MPRIP: variants seen among roughly 807,000 people sequenced by gnomAD.
The protein encoded by MPRIP is myosin phosphatase Rho-interacting protein.
Under a neutral mutation model 234.9 loss-of-function variants are expected in MPRIP, and 59 were observed. The ratio of observed to expected loss-of-function variants is 0.25; its 90% CI spans 0.20 to 0.31. MPRIP has a LOEUF of 0.31. MPRIP is among the 10% of genes least tolerant of loss of function. The probability of loss-of-function intolerance (pLI) is 1.00; values close to 1 mark genes in which losing one functional copy is unlikely to be tolerated. For missense variants in MPRIP, 2,436 were observed against 3,071.0 expected (o/e 0.79, Z 4.89); for synonymous variants, 1,144 against 1,263.9 (o/e 0.91, Z 2.01).
intron 1 of MPRIP, among the ~76,000 whole-genome samples, chr17:17,063,162 G>T (rs1471132423): frequency 2.0e-5 from 3 of 152,234 alleles, no homozygotes; most frequent in Non-Finnish European, 4.4e-5. Context: ...GTGCAGCCTG[G>T]CTTGCCCAGG....
chr17:17,108,164 T>C (rs1169173196), intron 3 of MPRIP, among the ~76,000 whole-genome samples: 1 of 152,240 alleles, frequency 6.6e-6, no homozygotes, highest in Non-Finnish European at 1.5e-5. Context: ...TTCAGGGTAC[T>C]GTCCCCAAGC....
chr17:17,177,483 C>T (rs953264670), intron 22 of MPRIP, 71 bp downstream of exon 22: 94 of 1,516,148 alleles, frequency 6.2e-5, no homozygotes, highest in Non-Finnish European at 7.5e-5. Flanking sequence ...AGAGGTTTCC[C>T]GGTGCTTGAC....
At chr17:17,130,656 G>A (rs1321864367) in intron 4 of MPRIP, among the ~76,000 whole-genome samples, 1 of 152,110 alleles carries the variant, frequency 6.6e-6, no homozygotes, top group African/African-American at 2.4e-5. Flanking sequence ...ACCTGGAGCG[G>A]TGTCTTCTGA....
chr17:17,067,786 CTTCCT>C (rs2089080104), intron 1 of MPRIP, among the ~76,000 whole-genome samples: 5 of 71,048 alleles, frequency 7.0e-5, no homozygotes, highest in African/African-American at 2.5e-4. Context: ...TCTTCTTCTT[CTTCCT>C]TTTTTTTTTT....
At chr17:17,080,879 G>A (rs2089446402) in intron 3 of MPRIP, among the ~76,000 whole-genome samples, 1 of 152,158 alleles carries the variant, frequency 6.6e-6, no homozygotes, top group South Asian at 2.1e-4. Flanking sequence ...GAATGGGGTG[G>A]GCCTGTTTCT....
At chr17:17,172,193 C>T (rs1270339028) in intron 17 of MPRIP, among the ~76,000 whole-genome samples, 29 of 152,242 alleles carry the variant, frequency 1.9e-4, no homozygotes, top group African/African-American at 4.8e-5. Context: ...CCCTGACAGA[C>T]ACCTGTCAAC....
chr17:17,162,534 A>C (rs551385621), intron 15 of MPRIP, among the ~76,000 whole-genome samples: 1 of 152,116 alleles, frequency 6.6e-6, no homozygotes, highest in African/African-American at 2.4e-5. Context: ...CTCTTCTGCC[A>C]TAGTCATTGC....
chr17:17,119,758 A>G (rs2090353246), intron 3 of MPRIP, among the ~76,000 whole-genome samples: 1 of 152,234 alleles, frequency 6.6e-6, no homozygotes, highest in Non-Finnish European at 1.5e-5. Context: ...GCTCAGCCCC[A>G]AAGTTTGCAG....
At chr17:17,115,873 A>C (rs370272981) in intron 3 of MPRIP, among the ~76,000 whole-genome samples, 1 of 152,256 alleles carries the variant, frequency 6.6e-6, no homozygotes, top group East Asian at 1.9e-4. Flanking sequence ...TGCAAAGGCC[A>C]TTCCTCAGGG....
intron 16 of MPRIP, chr17:17,169,255 CCTTTG>C: frequency 2.8e-6 from 1 of 352,508 alleles, no homozygotes; most frequent in Non-Finnish European, 5.6e-6. Flanking sequence ...ATTGCACAAA[CCTTTG>C]CTTTGACCCC....
rs71355536 is a variant in MPRIP, at chr17:17,082,285, A to ATTTTTT, written c.267+4231_267+4236dup. 3.9e-3 allele frequency among the ~76,000 whole-genome samples: 346 copies of ATTTTTT among 88,710 alleles called. 29 individuals carry two copies. The highest frequency in any genetic ancestry group is 0.012 in the African/African-American group (252 of 21,740). The allele number at this position is 88,710 out of a possible 152,430, so 58.2% of individuals were successfully genotyped here. A position where few individuals can be genotyped will look rare whatever the true frequency, so the allele number is the denominator to read the frequency against. On this transcript the variant is annotated intron_variant, in intron 3 of 23. Coordinates refer to ENST00000651222, the MANE Select transcript of MPRIP (RefSeq NM_001364716.4). ...AAAAGCTGATCAAATGCTTTTTCCA[A>ATTTTTT]TTTTTTTTTTTTTTTTTTTTTTTTT...
intron 3 of MPRIP, among the ~76,000 whole-genome samples, chr17:17,122,614 A>G (rs528124933): frequency 9.8e-5 from 15 of 152,292 alleles, no homozygotes; most frequent in African/African-American, 2.9e-4. Flanking sequence ...TGGCCTCCCA[A>G]AGTGCTGGGA....
At chr17:17,147,880 A>G (rs2045512786) in intron 11 of MPRIP, among the ~76,000 whole-genome samples, 1 of 152,208 alleles carries the variant, frequency 6.6e-6, no homozygotes, top group African/African-American at 2.4e-5. Context: ...TTCTGTGGTC[A>G]AGGACCAAAT....
chr17:17,082,311 T>G (rs2089480938), intron 3 of MPRIP, among the ~76,000 whole-genome samples: 1 of 148,184 alleles, frequency 6.7e-6, no homozygotes, highest in African/African-American at 2.5e-5. Context: ...TTTTTTTTTT[T>G]TGAGACGGAG....
In MPRIP at chr17:17,126,822, A is replaced by T; in HGVS notation, c.388A>T (p.Ile130Phe). The change falls in exon 4 of 24, where the codon ATC becomes TTC. Residue 130 changes from isoleucine (I) to phenylalanine (F), a missense_variant. This residue lies in a region of MPRIP where 140 missense variants were observed against 207.3 expected (regional missense o/e 0.68). Coordinates refer to ENST00000651222, the MANE Select transcript of MPRIP (RefSeq NM_001364716.4). ...TCTGACGCCTGAGAAGGAGCATTTCATCCGGGCGGAGACCAAGGAGATCGT... is the reference window on the plus strand; with the variant it reads ...TCTGACGCCTGAGAAGGAGCATTTCTTCCGGGCGGAGACCAAGGAGATCGT... Reference protein sequence around the residue: ...CILTPEKEHFIRAETKEIVSG... With the variant: ...CILTPEKEHFFRAETKEIVSG... The T allele has an allele frequency of 6.2e-7, 1 of 1,614,166 alleles. No individual in the cohort carries two copies.
intron 3 of MPRIP, among the ~76,000 whole-genome samples, chr17:17,099,618 T>C (rs1338343385): frequency 6.6e-6 from 1 of 152,162 alleles, no homozygotes; most frequent in Admixed American, 6.5e-5. Context: ...TCCTAGCTAC[T>C]TGGGAGGCTG....
At chr17:17,057,001 T>C (rs868248289) in intron 1 of MPRIP, among the ~76,000 whole-genome samples, 2 of 152,364 alleles carry the variant, frequency 1.3e-5, no homozygotes, top group Middle Eastern at 6.8e-3. Flanking sequence ...TTCACCCTTT[T>C]GGCCGTTGTG....
chr17:17,082,037 T>C (rs2089473787), intron 3 of MPRIP, among the ~76,000 whole-genome samples: 1 of 152,134 alleles, frequency 6.6e-6, no homozygotes, highest in Admixed American at 6.5e-5. Context: ...GTCCTCTGCC[T>C]TTGTTTCTCC....
chr17:17,051,443 C>T (rs1393788272), intron 1 of MPRIP, among the ~76,000 whole-genome samples: 3 of 152,136 alleles, frequency 2.0e-5, no homozygotes, highest in Middle Eastern at 3.2e-3. Flanking sequence ...TGAATGACAC[C>T]GTTGGACCAG....
Sources: gnomAD v4.1 joint callset for allele counts (sites outside exome capture counted in the v4.1 genomes callset) on GRCh38, gnomAD v4.1.1 for gene constraint, gnomAD v4.1.1 regional missense constraint, MANE v1.5 for transcripts, NCBI Gene and HGNC (gene_info 2026-07-23, HGNC 2026-07-21) for gene names.